OR52I2: variants seen among roughly 807,000 people sequenced by gnomAD.
The protein encoded by OR52I2 is olfactory receptor 52I2.
For synonymous variants in OR52I2, 147 were observed against 151.9 expected (o/e 0.97, Z 0.24); for missense variants, 350 against 402.4 (o/e 0.87, Z 1.11).
exon 2 of OR52I2, chr11:4,591,100 A>G (rs1310332694): frequency 2.0e-5 from 3 of 152,164 alleles, no homozygotes; most frequent in Non-Finnish European, 4.4e-5. Context: ...GAACTGAAGG[A>G]GCAAATGTAT....
chr11:4,586,374 A>T lies in OR52I2; in HGVS notation c.-19-498A>T, dbSNP rs553356776. On this transcript the variant is annotated intron_variant, in intron 1 of 1. Coordinates refer to ENST00000641896, the Ensembl canonical transcript of OR52I2. ...CTGAGCGTACAGAGATGAAAGACAG[A>T]TTCATTTCTCTGTTTATCCTTCATT... 2.0e-5 allele frequency among the ~76,000 whole-genome samples: 3 copies of T among 151,944 alleles called. No individual in the cohort carries two copies. The South Asian group carries it at 6.2e-4, about 32-fold the overall frequency.
chr11:4,587,159 G>T lies in OR52I2; in HGVS notation c.269G>T (p.Cys90Phe), dbSNP rs764806515. The T allele has an allele frequency of 6.2e-5, 100 of 1,614,084 alleles. 1 individual carries two copies. The highest frequency in any genetic ancestry group is 5.1e-6 in the Non-Finnish European group (6 of 1,180,040). The stretch of plus-strand genomic sequence containing the variant: ...GTACCCAAGATGGTGAGCATCTTCT[G>T]CTCAGGAGACAGCTCAATCAGCTTT... The change falls in exon 2 of 2, where the codon TGC becomes TTC. Residue 90 changes from cysteine to phenylalanine, a missense_variant. By Grantham distance (205) the Cys-to-Phe change is radical. Transcript: ENST00000641896.
Position 4,586,856 on chromosome 11 carries a change from A to G in OR52I2, c.-19-16A>G. ...CGGGATTGCATTCTTCTCATACATC[A>G]TTTGTGCATTAACAGGAAAAAAGTC... On this transcript the variant is annotated splice_polypyrimidine_tract_variant and intron_variant, in intron 1 of 1. Coordinates refer to ENST00000641896, the Ensembl canonical transcript of OR52I2. 6.2e-7 allele frequency: 1 copy of G among 1,614,084 alleles called. No individual in the cohort carries two copies. Among genetic ancestry groups the G allele is most frequent in the Non-Finnish European group, 8.5e-7 (1 of 1,179,986 alleles).
chr11:4,593,212 T>C (rs1846365916), exon 2 of OR52I2: 1 of 152,598 alleles, frequency 6.6e-6, no homozygotes, highest in Admixed American at 6.5e-5. Flanking sequence ...GTTAGTTGTA[T>C]TAAAGAACCA....
In OR52I2 at chr11:4,587,030, C is replaced by T. The variant is rs368990302; in HGVS notation, c.140C>T (p.Thr47Ile). 1.6e-5 allele frequency: 26 copies of T among 1,614,002 alleles called. No homozygotes were observed. The highest frequency in any genetic ancestry group is 1.1e-4 in the East Asian group (5 of 44,880). The change falls in exon 2 of 2, where the codon ACC becomes ATC. Residue 47 changes from threonine (T) to isoleucine (I), a missense_variant. Thr to Ile is a moderately conservative substitution (Grantham distance 89). Transcript: ENST00000641896. ...TACATCATAGCCCTGTTAGGAAACA[C>T]CATCATCGTGACTGCAATCTGGATG...
At chr11:4,588,079 G>A in exon 2 of OR52I2, 2 of 572,322 alleles carry the variant, frequency 3.5e-6, no homozygotes, top group Non-Finnish European at 3.1e-6. Context: ...TCAGAGACAA[G>A]TTTTGGTAGA....
At chr11:4,592,699 C>A (rs896138536) in exon 2 of OR52I2, 1 of 152,176 alleles carries the variant, frequency 6.6e-6, no homozygotes, top group Non-Finnish European at 1.5e-5. Context: ...GTAGTTAATG[C>A]TGACTTCTTT....
chr11:4,590,477 TGAG>T (rs1446261074), exon 2 of OR52I2: 1 of 152,156 alleles, frequency 6.6e-6, no homozygotes, highest in Non-Finnish European at 1.5e-5. Flanking sequence ...CAACGCTAAT[TGAG>T]AAGAAACGTA....
At chr11:4,582,439 T>C (rs1846265688) in intron 1 of OR52I2, among the ~76,000 whole-genome samples, 1 of 65,140 alleles carries the variant, frequency 1.5e-5, no homozygotes, top group Admixed American at 1.5e-4. Context: ...TTTTCATTTT[T>C]TTTTTTTTTT....
rs1317371690 is a variant in OR52I2, at chr11:4,582,018, T to C, written c.-20+154T>C. Among the ~76,000 whole-genome samples the C allele has an allele frequency of 3.9e-5, 6 of 152,314 alleles. No individual in the cohort carries two copies. The East Asian group carries it at 1.2e-3, about 29-fold the overall frequency. ...TCTAGGTCTGGTGGTATATCTGCTATCAAGACCTTATGGAAATGATGTTTG... is the reference window on the plus strand; with the variant it reads ...TCTAGGTCTGGTGGTATATCTGCTACCAAGACCTTATGGAAATGATGTTTG... On this transcript the variant is annotated intron_variant, in intron 1 of 1. Coordinates refer to ENST00000641896, the Ensembl canonical transcript of OR52I2.
At chr11:4,587,865 A>G in exon 2 of OR52I2, 1 of 1,612,216 alleles carries the variant, frequency 6.2e-7, no homozygotes, top group Non-Finnish European at 8.5e-7. Flanking sequence ...TGGGTTCATG[A>G]ACACAATATC....
chr11:4,583,242 C>G (rs1461861636), intron 1 of OR52I2, among the ~76,000 whole-genome samples: 1 of 151,880 alleles, frequency 6.6e-6, no homozygotes, highest in Admixed American at 6.6e-5. Flanking sequence ...TCTAGCAGTG[C>G]TAATTAAGAA....
At chr11:4,589,605 G>A (rs1846335672) in exon 2 of OR52I2, 1 of 152,176 alleles carries the variant, frequency 6.6e-6, no homozygotes, top group Non-Finnish European at 1.5e-5. Flanking sequence ...GATAGGAAAG[G>A]TGGGAGAGAG....
At chr11:4,582,737 C>T (rs867765508) in intron 1 of OR52I2, among the ~76,000 whole-genome samples, 1 of 152,012 alleles carries the variant, frequency 6.6e-6, no homozygotes, top group Non-Finnish European at 1.5e-5. Flanking sequence ...TCCGGTCGAA[C>T]TTTTTAAAGC....
At chr11:4,585,090 G>A (rs146108229) in intron 1 of OR52I2, among the ~76,000 whole-genome samples, 2 of 152,112 alleles carry the variant, frequency 1.3e-5, no homozygotes, top group Non-Finnish European at 1.5e-5. Flanking sequence ...ACTGGGGCTT[G>A]GTGCGTTTAC....
intron 1 of OR52I2, among the ~76,000 whole-genome samples, chr11:4,583,839 T>G (rs991316196): frequency 4.6e-5 from 7 of 152,238 alleles, no homozygotes; most frequent in African/African-American, 1.7e-4. Context: ...ATCACAGCTG[T>G]TGTTGGCACC....
exon 2 of OR52I2, chr11:4,592,676 C>T (rs1846360255): frequency 2.0e-5 from 3 of 152,158 alleles, no homozygotes; most frequent in South Asian, 4.1e-4. Context: ...AGCTATCACA[C>T]AGGAATAGAA....
intron 1 of OR52I2, among the ~76,000 whole-genome samples, chr11:4,582,296 C>T (rs140520070): frequency 6.6e-6 from 1 of 152,164 alleles, no homozygotes; most frequent in African/African-American, 2.4e-5. Flanking sequence ...GTTCTTTTAC[C>T]TTTAAGACAA....
chr11:4,591,499 T>TAGGGCTC (rs1485784209), exon 2 of OR52I2: 1 of 152,198 alleles, frequency 6.6e-6, no homozygotes, highest in Non-Finnish European at 1.5e-5. Context: ...GGTGACTCAT[T>TAGGGCTC]AGGCTGAGCC....
Sources: allele counts gnomAD v4.1 joint callset (sites outside exome capture counted in the v4.1 genomes callset), GRCh38; gene constraint gnomAD v4.1.1; transcripts MANE v1.5; gene names NCBI Gene and HGNC (gene_info 2026-07-23, HGNC 2026-07-21).